Variants in PPM1B observed in about 807,000 individuals in gnomAD.
PPM1B encodes protein phosphatase 1B.
In PPM1B, 22 loss-of-function variants were observed where a neutral mutation model predicts 43.0. The ratio of observed to expected loss-of-function variants is 0.51; its 90% CI spans 0.37 to 0.73. The LOEUF (loss-of-function observed/expected upper bound fraction) is 0.73, where lower values mean the gene tolerates loss of function less well. Ranked by LOEUF, PPM1B falls within the 30% of genes least tolerant of loss-of-function variation. The probability of loss-of-function intolerance (pLI) is 0.00; values close to 1 mark genes in which losing one functional copy is unlikely to be tolerated. For synonymous variants in PPM1B, 217 were observed against 197.9 expected (o/e 1.10, Z -0.81); for missense variants, 632 against 584.2 (o/e 1.08, Z -0.84).
intron 4 of PPM1B, 36 bp from the exon 5 acceptor site, chr2:44,218,444 A>T: frequency 6.8e-7 from 1 of 1,471,244 alleles, no homozygotes; most frequent in Non-Finnish European, 9.3e-7. Flanking sequence ...AATTCTGTGT[A>T]ATTTAATAAA....
intron 1 of PPM1B, among the ~76,000 whole-genome samples, chr2:44,183,313 A>T (rs866935328): frequency 6.6e-6 from 1 of 152,226 alleles, no homozygotes; most frequent in South Asian, 2.1e-4. Context: ...GCCAAGTGAC[A>T]TTCGATGAAA....
At chr2:44,211,589 AAT>A (rs35662259) in intron 3 of PPM1B, among the ~76,000 whole-genome samples, 86,022 of 151,574 alleles carry the variant, frequency 0.57, 25,012 homozygotes, top group Admixed American at 0.66. Context: ...GTATTTAATA[AAT>A]ATGTTATACT....
intron 1 of PPM1B, among the ~76,000 whole-genome samples, chr2:44,182,606 T>A (rs2104026311): frequency 6.6e-6 from 1 of 152,328 alleles, no homozygotes; most frequent in East Asian, 1.9e-4. Flanking sequence ...ACCTAATATT[T>A]AAGTTTTCTA....
chr2:44,196,078 A>G (rs1668648212), intron 1 of PPM1B, among the ~76,000 whole-genome samples: 2 of 152,176 alleles, frequency 1.3e-5, no homozygotes, highest in Non-Finnish European at 2.9e-5. Context: ...AACCCTTACA[A>G]TTAATGAGCC....
Position 44,169,095 on chromosome 2 carries a change from ATCGGCGGCG to A in PPM1B, c.-193_-185del. On this transcript the variant is annotated 5_prime_UTR_variant, in exon 1 of 6. Transcript: ENST00000282412. ...GGCGCTAGGGTGGAGAGAAGGCGGC[ATCGGCGGCG>A]GCGGCGGCGTGAGGGGCCGGGCGGT... 3 of 184,806 alleles carry A rather than the reference ATCGGCGGCG, an allele frequency of 1.6e-5. No individual in the cohort carries two copies. The highest frequency in any genetic ancestry group is 3.4e-5 in the Non-Finnish European group (3 of 89,146). 11.4% of individuals were successfully genotyped at this position (184,806 alleles called of 1,614,324 possible). A position where few individuals can be genotyped will look rare whatever the true frequency, so the allele number is the denominator to read the frequency against.
At position 44,201,945 on chromosome 2, in the gene PPM1B, T is replaced by C. The variant is rs149910159; in HGVS notation, c.746T>C (p.Met249Thr). 5.0e-6 allele frequency: 8 copies of C among 1,614,164 alleles called. No homozygotes were observed. Among genetic ancestry groups the C allele is most frequent in the Non-Finnish European group, 5.9e-6 (7 of 1,180,014 alleles). Residue 249 changes from methionine (M) to threonine (T), a missense_variant, in exon 2 of 6, where the codon ATG becomes ACG. By Grantham distance (81) the Met-to-Thr change is moderately conservative (BLOSUM62 -1). This residue lies in a region of PPM1B where 392 missense variants were observed against 302.7 expected (regional missense o/e 1.29). Transcript: ENST00000282412. This position sits in a 1 kb window ranked among gnomAD's most constrained non-coding sequence, Gnocchi z 5.4. ...GCTTGTGATGGGATCTGGGATGTTA[T>C]GAGTAATGAGGAGCTCTGTGAATAT... ...ILACDGIWDV[M>T]SNEELCEYVK...
intron 1 of PPM1B, among the ~76,000 whole-genome samples, chr2:44,183,532 C>T (rs1667980960): frequency 6.6e-6 from 1 of 152,084 alleles, no homozygotes. Context: ...GACCTAAAAC[C>T]AGAGGAAGCC....
intron 1 of PPM1B, among the ~76,000 whole-genome samples, chr2:44,183,798 G>A (rs1270381828): frequency 6.6e-6 from 1 of 152,064 alleles, no homozygotes; most frequent in Non-Finnish European, 1.5e-5. Context: ...GAGTGCAGTG[G>A]CGCGATCTCG....
chr2:44,234,748 A>T (rs532768087), downstream of PPM1B: 1 of 250,598 alleles, frequency 4.0e-6, no homozygotes, highest in East Asian at 1.8e-4. Flanking sequence ...GATACTATCG[A>T]TATTTACTAT....
At chr2:44,188,771 C>T (rs911427911) in intron 1 of PPM1B, among the ~76,000 whole-genome samples, 12 of 148,302 alleles carry the variant, frequency 8.1e-5, no homozygotes, top group Non-Finnish European at 1.5e-4. Context: ...TCTTTCCTTC[C>T]TTCCTTCCTT....
chr2:44,228,150 C>T (rs1197884755), intron 5 of PPM1B, among the ~76,000 whole-genome samples: 2 of 148,278 alleles, frequency 1.3e-5, no homozygotes, highest in Admixed American at 6.7e-5. Context: ...TCTTGAATTC[C>T]TGACCTCGTG....
intron 1 of PPM1B, among the ~76,000 whole-genome samples, chr2:44,181,152 C>G (rs985993151): frequency 3.9e-5 from 6 of 152,074 alleles, no homozygotes; most frequent in African/African-American, 9.7e-5. Flanking sequence ...AGTATGTTGC[C>G]CAAGCTGATT....
chr2:44,230,629 G>A lies in PPM1B; in HGVS notation c.1351G>A (p.Glu451Lys). The change falls in exon 6 of 6, where the codon GAA (glutamate) becomes AAA (lysine). Residue 451 changes from glutamate (E) to lysine (K), a missense_variant. By Grantham distance (56) the Glu-to-Lys change is moderately conservative. Coordinates refer to ENST00000282412, the MANE Select transcript of PPM1B (RefSeq NM_002706.6). ...TGCTGGAAACCCAGTGACAATGCAG[G>A]AAAGCCATACTGAATCAGAAAGTGG... ...SDAGNPVTMQ[E>K]SHTESESGLA... 8 of 1,614,156 alleles carry A rather than the reference G, an allele frequency of 5.0e-6. No individual in the cohort carries two copies. Among genetic ancestry groups the A allele is most frequent in the Non-Finnish European group, 6.8e-6 (8 of 1,180,008 alleles).
At chr2:44,203,498 TG>T (rs1669033543) in intron 2 of PPM1B, among the ~76,000 whole-genome samples, 1 of 152,140 alleles carries the variant, frequency 6.6e-6, no homozygotes, top group African/African-American at 2.4e-5. Context: ...TACTTACTAT[TG>T]GAAAAAAAAT....
rs543934176 is a variant in PPM1B, at chr2:44,198,286, G to A, written c.-14-2900G>A. 1.4e-4 allele frequency among the ~76,000 whole-genome samples: 21 copies of A among 152,048 alleles called. No homozygotes were observed. The South Asian group carries it at 4.2e-3, about 30-fold the overall frequency. On this transcript the variant is annotated intron_variant, in intron 1 of 5. Coordinates refer to ENST00000282412, the MANE Select transcript of PPM1B (RefSeq NM_002706.6). Reference sequence around the variant, plus strand: ...AGCAATTCTCCTGTCTCAGCCCCCCGAGTAGCTGGGATCACAGGCACCCAC... The same window carrying A: ...AGCAATTCTCCTGTCTCAGCCCCCCAAGTAGCTGGGATCACAGGCACCCAC...
At position 44,218,042 on chromosome 2, in the gene PPM1B, T is replaced by C. The variant is rs1033597622; in HGVS notation, c.1040T>C (p.Ile347Thr). The C allele has an allele frequency of 6.2e-7, 1 of 1,613,228 alleles. No individual in the cohort carries two copies. The highest frequency in any genetic ancestry group is 1.1e-5 in the South Asian group (1 of 90,850). ...HVMRILSAEN[I>T]PNLPPGGGLA... ...ATGCGCATCTTGTCTGCAGAAAATA[T>C]CCCAAATTTGCCTCCTGGGGGAGGT... Residue 347 changes from isoleucine to threonine, a missense_variant, in exon 4 of 6, where the codon ATC becomes ACC. Physicochemically the swap from Ile to Thr is moderately conservative, Grantham distance 89. Coordinates refer to ENST00000282412, the MANE Select transcript of PPM1B (RefSeq NM_002706.6).
chr2:44,237,828 AC>A (rs1313148127), downstream of PPM1B, among the ~76,000 whole-genome samples: 8 of 152,294 alleles, frequency 5.3e-5, no homozygotes, highest in East Asian at 1.9e-4. Flanking sequence ...GTTTACACTT[AC>A]TTTTTTGGGC....
chr2:44,186,026 G>T (rs564508464), intron 1 of PPM1B, among the ~76,000 whole-genome samples: 211 of 152,208 alleles, frequency 1.4e-3, no homozygotes, highest in African/African-American at 4.9e-3. Flanking sequence ...CTGATGGGTG[G>T]AGTTGTTTTT....
Position 44,230,844 on chromosome 2 carries a change from C to A in PPM1B, c.*126C>A, listed in dbSNP as rs1168840959. ...AACTAGTTTTATTATATTCAGATAG[C>A]CTTGTTTTTTAAAAAGGCCTTTGCA... On this transcript the variant is annotated 3_prime_UTR_variant, in exon 6 of 6. Coordinates refer to ENST00000282412, the MANE Select transcript of PPM1B (RefSeq NM_002706.6). The A allele has an allele frequency of 1.4e-6, 2 of 1,438,464 alleles. No homozygotes were observed. The highest frequency in any genetic ancestry group is 1.5e-5 in the South Asian group (1 of 65,788). The allele number at this position is 1,438,464 out of a possible 1,614,324, so 89.1% of individuals were successfully genotyped here.
Sources: allele counts gnomAD v4.1 joint callset (sites outside exome capture counted in the v4.1 genomes callset), GRCh38; gene constraint gnomAD v4.1.1; regional missense constraint gnomAD v4.1.1; non-coding constraint Gnocchi (gnomAD v3.1); transcripts MANE v1.5; gene names NCBI Gene and HGNC (gene_info 2026-07-23, HGNC 2026-07-21).